BCL11B: variants seen among roughly 807,000 people sequenced by gnomAD.
The protein encoded by BCL11B is BCL11 transcription factor B, also known as B-cell lymphoma/leukemia 11B.
In BCL11B, 8 loss-of-function variants were observed where a neutral mutation model predicts 49.9. The observed-to-expected ratio is 0.16, with a 90% CI of 0.09 to 0.29. The LOEUF (loss-of-function observed/expected upper bound fraction) is 0.29. BCL11B is among the 10% of genes least tolerant of loss of function. The pLI, the probability that BCL11B is intolerant of heterozygous loss-of-function variation, is 1.00. For synonymous variants in BCL11B, 739 were observed against 637.4 expected, an observed-to-expected ratio of 1.16 and a Z score of -2.40; for missense variants, 1,006 against 1,351.0, an observed-to-expected ratio of 0.74 and a Z score of 4.00.
chr14:99,216,516 C>T lies in BCL11B; in HGVS notation c.640+14829G>A, dbSNP rs866544973. Among the ~76,000 whole-genome samples the T allele has an allele frequency of 7.9e-5, 12 of 152,288 alleles. 1 individual carries two copies. In the South Asian group the frequency reaches 1.2e-3, roughly 16 times the overall value. ...TCACACACCAGACTGGCCACATTTC[C>T]CAGCACTGTGGACTGTGGGCTCCCT... On this transcript the variant is annotated intron_variant, in intron 3 of 3. Coordinates refer to ENST00000357195, the MANE Select transcript of BCL11B (RefSeq NM_138576.4).
At chr14:99,222,853 C>T (rs1484329225) in intron 3 of BCL11B, among the ~76,000 whole-genome samples, 2 of 152,028 alleles carry the variant, frequency 1.3e-5, no homozygotes, top group Non-Finnish European at 2.9e-5. Context: ...TTCTTTCTTT[C>T]TTTCTTTCCT....
At chr14:99,251,729 A>G (rs957495917) in intron 2 of BCL11B, among the ~76,000 whole-genome samples, 1 of 152,170 alleles carries the variant, frequency 6.6e-6, no homozygotes, top group Non-Finnish European at 1.5e-5. Flanking sequence ...GGGTCTGAGG[A>G]CTTCTGGCTG....
chr14:99,206,635 T>C (rs1887541347), intron 3 of BCL11B, among the ~76,000 whole-genome samples: 1 of 152,238 alleles, frequency 6.6e-6, no homozygotes. Context: ...GAAGCCACTC[T>C]TATTTTACCT....
At chr14:99,252,147 T>G (rs1011903276) in intron 2 of BCL11B, among the ~76,000 whole-genome samples, 3 of 152,202 alleles carry the variant, frequency 2.0e-5, no homozygotes, top group Non-Finnish European at 4.4e-5. Flanking sequence ...CCCAGGGCCA[T>G]GTCCCTCAGA....
chr14:99,229,714 T>A (rs758100358), intron 3 of BCL11B, among the ~76,000 whole-genome samples: 3 of 152,168 alleles, frequency 2.0e-5, no homozygotes, highest in Admixed American at 6.5e-5. Flanking sequence ...GAGATCAGAT[T>A]TCTGTGCCAC....
intron 2 of BCL11B, among the ~76,000 whole-genome samples, chr14:99,250,506 G>T (rs933912281): frequency 6.6e-6 from 1 of 152,012 alleles, no homozygotes; most frequent in African/African-American, 2.4e-5. Context: ...GACCCCAAAG[G>T]CACAGGGTGA....
At position 99,269,517 on chromosome 14, in the gene BCL11B, C is replaced by CA. The variant is rs1889588608; in HGVS notation, c.58+1643_58+1644insT. Among the ~76,000 whole-genome samples the CA allele has an allele frequency of 2.5e-5, 3 of 121,600 alleles. No homozygotes were observed. In the South Asian group the frequency reaches 8.0e-4, roughly 32 times the overall value. 79.8% of individuals were successfully genotyped at this position (121,600 alleles called of 152,430 possible). On this transcript the variant is annotated intron_variant, in intron 1 of 3. Transcript: ENST00000357195. ...GCGAATCCCACTTTAATTTCTATTCCCCCCCCCCCAAAAAAAATCATAATA... is the reference window on the plus strand; with the variant it reads ...GCGAATCCCACTTTAATTTCTATTCCACCCCCCCCCAAAAAAAATCATAATA...
At chr14:99,196,630 G>T (rs1268643803) in intron 3 of BCL11B, among the ~76,000 whole-genome samples, 1 of 152,182 alleles carries the variant, frequency 6.6e-6, no homozygotes, top group African/African-American at 2.4e-5. Flanking sequence ...TGCCCCCCAA[G>T]ATTCCCAGGA....
At chr14:99,221,924 G>T (rs1257447) in intron 3 of BCL11B, among the ~76,000 whole-genome samples, 4 of 151,992 alleles carry the variant, frequency 2.6e-5, no homozygotes, top group African/African-American at 9.7e-5. Flanking sequence ...AGGAAGACCT[G>T]GGGGATCCTC....
chr14:99,247,407 T>C lies in BCL11B; in HGVS notation c.427+10064A>G, dbSNP rs1888879612. 6.6e-6 allele frequency among the ~76,000 whole-genome samples: 1 copy of C among 152,184 alleles called. No homozygotes were observed. On this transcript the variant is annotated intron_variant, in intron 2 of 3. Transcript: ENST00000357195. The surrounding 1 kb of genome is among the most constrained non-coding windows in gnomAD (Gnocchi z 4.5). ...ACTCCAACAGTTTTTAGCCAGCTGC[T>C]GAAGGTGGCAGGGAGTCACTGAAGG... is the stretch of plus-strand genomic sequence containing the variant.
chr14:99,258,628 G>A (rs183202522), intron 1 of BCL11B, among the ~76,000 whole-genome samples: 42 of 152,298 alleles, frequency 2.8e-4, no homozygotes, highest in Non-Finnish European at 5.1e-4. Flanking sequence ...CAGAAGGGAG[G>A]CTGGAACCGG....
chr14:99,271,529 A>AC lies in BCL11B; in HGVS notation c.-312dup, dbSNP rs11455814. ...AGAAAAAGAGGCAAAAAAAAAAAAA[A>AC]CTGCTGTTGCTTTCCGCGGACTGGC... On this transcript the variant is annotated 5_prime_UTR_variant, in exon 1 of 4. Coordinates refer to ENST00000357195, the MANE Select transcript of BCL11B (RefSeq NM_138576.4). 3.3e-5 allele frequency: 7 copies of AC among 213,588 alleles called. No homozygotes were observed. Among genetic ancestry groups the AC allele is most frequent in the Admixed American group, 5.8e-5 (1 of 17,226 alleles). 13.2% of individuals were successfully genotyped at this position (213,588 alleles called of 1,614,324 possible).
rs566756585 is a variant in BCL11B at position 99,192,907 on chromosome 14, G to A, written c.641-16712C>T. Among the ~76,000 whole-genome samples the A allele has an allele frequency of 6.6e-6, 1 of 151,746 alleles. No individual in the cohort carries two copies. Among genetic ancestry groups the A allele is most frequent in the South Asian group, 2.1e-4 (1 of 4,750 alleles). Reference sequence around the variant, plus strand: ...TGAATGAATGAATGAGTGAATGAATGGATAAAAGAGTGAATGAATGAATGA... The same window carrying A: ...TGAATGAATGAATGAGTGAATGAATAGATAAAAGAGTGAATGAATGAATGA... On this transcript the variant is annotated intron_variant, in intron 3 of 3. Coordinates refer to ENST00000357195, the MANE Select transcript of BCL11B (RefSeq NM_138576.4). The surrounding 1 kb of genome is among the most constrained non-coding windows in gnomAD (Gnocchi z 4.0).
At chr14:99,243,656 C>A (rs535513838) in intron 2 of BCL11B, among the ~76,000 whole-genome samples, 1 of 152,132 alleles carries the variant, frequency 6.6e-6, no homozygotes, top group Non-Finnish European at 1.5e-5. Flanking sequence ...GCTTTAACAA[C>A]GACACGGCCC....
At chr14:99,267,143 C>T (rs960249004) in intron 1 of BCL11B, among the ~76,000 whole-genome samples, 2 of 152,046 alleles carry the variant, frequency 1.3e-5, no homozygotes, top group African/African-American at 2.4e-5. Context: ...TCTCTAAGGC[C>T]GGCTTCACAA....
At chr14:99,223,610 T>C (rs1888075064) in intron 3 of BCL11B, among the ~76,000 whole-genome samples, 1 of 152,214 alleles carries the variant, frequency 6.6e-6, no homozygotes, top group Admixed American at 6.5e-5. Context: ...GCACCACCTT[T>C]CATGGAAAAC....
At chr14:99,259,724 T>C (rs1889282587) in intron 1 of BCL11B, among the ~76,000 whole-genome samples, 2 of 152,228 alleles carry the variant, frequency 1.3e-5, no homozygotes, top group Admixed American at 1.3e-4. Context: ...AACCATTAAT[T>C]ACACTTTAGA....
chr14:99,217,491 A>G (rs556702024), intron 3 of BCL11B, among the ~76,000 whole-genome samples: 5 of 152,246 alleles, frequency 3.3e-5, no homozygotes, highest in African/African-American at 9.6e-5. Context: ...GGAGAAAATT[A>G]CATGAGGCAA....
chr14:99,260,379 T>A (rs1889301691), intron 1 of BCL11B, among the ~76,000 whole-genome samples: 1 of 152,304 alleles, frequency 6.6e-6, no homozygotes, highest in South Asian at 2.1e-4. Flanking sequence ...TTTTTTAATT[T>A]AATCTTCGGT....
Sources: allele counts gnomAD v4.1 joint callset (sites outside exome capture counted in the v4.1 genomes callset), GRCh38; gene constraint gnomAD v4.1.1; non-coding constraint Gnocchi (gnomAD v3.1); transcripts MANE v1.5; gene names NCBI Gene and HGNC (gene_info 2026-07-23, HGNC 2026-07-21).